ZNF385D: variants seen among roughly 807,000 people sequenced by gnomAD.
ZNF385D encodes zinc finger protein 659.
In ZNF385D, 15 loss-of-function variants were observed where a neutral mutation model predicts 35.8. The observed-to-expected ratio is 0.42, with a 90% CI of 0.28 to 0.64. The LOEUF is 0.64. ZNF385D is among the 30% of genes least tolerant of loss of function. The probability of loss-of-function intolerance (pLI) is 0.23; values close to 1 mark genes in which losing one functional copy is unlikely to be tolerated. For synonymous variants in ZNF385D, 212 were observed against 186.8 expected (o/e 1.13, Z -1.10); for missense variants, 474 against 494.6 (o/e 0.96, Z 0.39).
intron 3 of ZNF385D, among the ~76,000 whole-genome samples, chr3:21,826,423 G>A (rs1388621795): frequency 6.6e-6 from 1 of 152,140 alleles, no homozygotes; most frequent in African/African-American, 2.4e-5. Flanking sequence ...AATTCCCCTA[G>A]GTGACACTAG....
At position 21,605,397 on chromosome 3, in the gene ZNF385D, A is replaced by G. The variant is rs114891020; in HGVS notation, c.166-40713T>C. Among the ~76,000 whole-genome samples the G allele has an allele frequency of 5.9e-3, 892 of 152,336 alleles. 4 individuals carry two copies. Among genetic ancestry groups the G allele is most frequent in the African/African-American group, 0.02 (851 of 41,576 alleles). On this transcript the variant is annotated intron_variant, in intron 2 of 7. Coordinates refer to ENST00000281523, the MANE Select transcript of ZNF385D (RefSeq NM_024697.3). ...AAAATAAGGGTAAGAAGAGTAAGAC[A>G]GAATGTGAATCATACCGTGCCTATC...
intron 3 of ZNF385D, among the ~76,000 whole-genome samples, chr3:21,936,213 G>C (rs755375889): frequency 6.6e-6 from 1 of 152,102 alleles, no homozygotes; most frequent in Non-Finnish European, 1.5e-5. Flanking sequence ...CACCAGATGA[G>C]AGAAATCTTG....
chr3:21,940,665 C>A (rs183287582), intron 3 of ZNF385D, among the ~76,000 whole-genome samples: 1 of 151,992 alleles, frequency 6.6e-6, no homozygotes, highest in African/African-American at 2.4e-5. Context: ...TAATATAGTT[C>A]ACTATATTTC....
At position 21,682,534 on chromosome 3, in the gene ZNF385D, A is replaced by G. The variant is rs537199498; in HGVS notation, c.23-17506T>C. Among the ~76,000 whole-genome samples, 38 of 150,424 alleles carry G rather than the reference A, an allele frequency of 2.5e-4. 2 individuals are homozygous for G. The highest frequency in any genetic ancestry group is 9.3e-4 in the African/African-American group (38 of 40,920). ...AAAGGATAGTTGCAGTCATGTCTGGAAGAAAGGACACATTTTCAGGTCCTT... is the reference window on the plus strand; with the variant it reads ...AAAGGATAGTTGCAGTCATGTCTGGGAGAAAGGACACATTTTCAGGTCCTT... On this transcript the variant is annotated intron_variant, in intron 1 of 7. Coordinates refer to ENST00000281523, the MANE Select transcript of ZNF385D (RefSeq NM_024697.3).
intron 3 of ZNF385D, among the ~76,000 whole-genome samples, chr3:21,769,502 T>C (rs1332753221): frequency 1.6e-5 from 2 of 124,470 alleles, no homozygotes; most frequent in Middle Eastern, 3.3e-3. Context: ...TCAAAGAGAA[T>C]AAAATACCTA....
intron 3 of ZNF385D, among the ~76,000 whole-genome samples, chr3:22,019,728 T>C (rs1308549408): frequency 6.6e-6 from 1 of 151,934 alleles, no homozygotes; most frequent in East Asian, 1.9e-4. Flanking sequence ...TGCTTAGATG[T>C]ATGCCCTCTA....
intron 1 of ZNF385D, among the ~76,000 whole-genome samples, chr3:21,742,544 G>A (rs1159405774): frequency 1.3e-5 from 2 of 152,194 alleles, no homozygotes; most frequent in Non-Finnish European, 2.9e-5. Flanking sequence ...GGCCACCTCA[G>A]TCGGCCTCGG....
At chr3:21,673,497 T>C (rs1318602050) in intron 1 of ZNF385D, among the ~76,000 whole-genome samples, 1 of 152,180 alleles carries the variant, frequency 6.6e-6, no homozygotes, top group African/African-American at 2.4e-5. Flanking sequence ...TCTTGCTTTC[T>C]CCTGGGTCCT....
chr3:22,315,656 G>A (rs972543940), intron 2 of ZNF385D, among the ~76,000 whole-genome samples: 1 of 152,186 alleles, frequency 6.6e-6, no homozygotes, highest in Non-Finnish European at 1.5e-5. Context: ...GAAACCACCT[G>A]TCTGCAAAGA....
intron 2 of ZNF385D, among the ~76,000 whole-genome samples, chr3:22,239,800 A>C (rs1211841559): frequency 6.6e-6 from 1 of 150,982 alleles, no homozygotes; most frequent in Non-Finnish European, 1.5e-5. Context: ...GATGAAAAAG[A>C]AATGAGTTTT....
chr3:21,941,293 A>G (rs1026111120), intron 3 of ZNF385D, among the ~76,000 whole-genome samples: 3 of 151,396 alleles, frequency 2.0e-5, no homozygotes, highest in African/African-American at 7.2e-5. Flanking sequence ...TTATGAGAAT[A>G]CCAATACATT....
chr3:22,123,978 A>C (rs1385394575), intron 3 of ZNF385D, among the ~76,000 whole-genome samples: 5 of 141,628 alleles, frequency 3.5e-5, no homozygotes, highest in Admixed American at 2.9e-4. Context: ...ATATATATAT[A>C]TATATATATA....
chr3:21,589,217 A>G (rs182656840), intron 2 of ZNF385D, among the ~76,000 whole-genome samples: 12 of 152,310 alleles, frequency 7.9e-5, no homozygotes, highest in African/African-American at 2.9e-4. Flanking sequence ...GGCTGAAGGA[A>G]GTACAGAAGG....
At chr3:22,005,511 C>T (rs1430780316) in intron 3 of ZNF385D, among the ~76,000 whole-genome samples, 1 of 151,980 alleles carries the variant, frequency 6.6e-6, no homozygotes, top group Non-Finnish European at 1.5e-5. Context: ...ATTTTCAACA[C>T]AAATAAATGT....
At chr3:22,292,647 A>C (rs1196981079) in intron 2 of ZNF385D, among the ~76,000 whole-genome samples, 2 of 152,136 alleles carry the variant, frequency 1.3e-5, no homozygotes, top group Admixed American at 6.6e-5. Flanking sequence ...TCAATAGATA[A>C]GGGAAGGAAT....
At chr3:21,756,374 G>A (rs1346425828) in intron 3 of ZNF385D, among the ~76,000 whole-genome samples, 2 of 152,110 alleles carry the variant, frequency 1.3e-5, no homozygotes, top group East Asian at 1.9e-4. Context: ...ACTAATTCAG[G>A]AAAAAACTTT....
chr3:21,711,302 A>G (rs932667470), intron 1 of ZNF385D, among the ~76,000 whole-genome samples: 9 of 151,868 alleles, frequency 5.9e-5, no homozygotes, highest in Non-Finnish European at 1.3e-4. Context: ...CGGCCTCCCA[A>G]AGTGCTGGGA....
intron 2 of ZNF385D, among the ~76,000 whole-genome samples, chr3:22,246,997 C>A (rs1334966998): frequency 6.6e-6 from 1 of 152,176 alleles, no homozygotes; most frequent in Non-Finnish European, 1.5e-5. Context: ...TAAATTTAAA[C>A]ATTCACCATA....
intron 3 of ZNF385D, among the ~76,000 whole-genome samples, chr3:22,121,579 C>T (rs1703089665): frequency 6.6e-6 from 1 of 152,074 alleles, no homozygotes; most frequent in Admixed American, 6.6e-5. Context: ...AAAGGATCTC[C>T]AAAGCACAAA....
Sources: gnomAD v4.1 joint callset for allele counts (sites outside exome capture counted in the v4.1 genomes callset) on GRCh38, gnomAD v4.1.1 for gene constraint, MANE v1.5 for transcripts, NCBI Gene and HGNC (gene_info 2026-07-23, HGNC 2026-07-21) for gene names.